Variants in C11orf65 observed in about 807,000 individuals in gnomAD.
C11orf65 encodes the protein chromosome 11 open reading frame 65.
In C11orf65, 38 loss-of-function variants were observed where a neutral mutation model predicts 35.3. That is an observed-to-expected ratio of 1.08 (90% confidence interval 0.83 to 1.41). The LOEUF (loss-of-function observed/expected upper bound fraction) is 1.41, where lower values mean the gene tolerates loss of function less well. Among genes scored for constraint, C11orf65 ranks in the 40% most tolerant of loss-of-function variants. The pLI is 0.00. For missense variants in C11orf65, 370 were observed against 367.1 expected, an observed-to-expected ratio of 1.01 and a Z score of -0.06; for synonymous variants, 105 against 114.4, an observed-to-expected ratio of 0.92 and a Z score of 0.53.
At chr11:108,406,480 A>G (rs575386467) in intron 5 of C11orf65, among the ~76,000 whole-genome samples, 20 of 152,268 alleles carry the variant, frequency 1.3e-4, no homozygotes, top group Admixed American at 2.0e-4. Context: ...AAATTCTACA[A>G]TCCGTATACT....
intron 2 of C11orf65, among the ~76,000 whole-genome samples, chr11:108,371,620 T>C (rs1205451730): frequency 6.6e-6 from 1 of 152,212 alleles, no homozygotes; most frequent in Non-Finnish European, 1.5e-5. Flanking sequence ...ATACTGTATA[T>C]ATTTTATTTA....
intron 2 of C11orf65, among the ~76,000 whole-genome samples, chr11:108,437,730 AAAAAAAAAG>A (rs1295528982): frequency 1.7e-4 from 24 of 145,146 alleles, no homozygotes; most frequent in African/African-American, 4.9e-4. Context: ...AAAAAAAAAA[AAAAAAAAAG>A]GATAAGGAAA....
upstream of C11orf65, among the ~76,000 whole-genome samples, chr11:108,467,983 G>T (rs980607634): frequency 1.3e-5 from 2 of 151,666 alleles, no homozygotes; most frequent in African/African-American, 4.8e-5. Context: ...GCACCACCAC[G>T]CCAGGCTCAT....
chr11:108,329,802 T>C (rs1156421203), downstream of C11orf65, among the ~76,000 whole-genome samples: 1 of 152,250 alleles, frequency 6.6e-6, no homozygotes, highest in Non-Finnish European at 1.5e-5. Context: ...TCTAAGTTCA[T>C]TGTGGAGAAT....
chr11:108,446,413 A>G (rs2093259064), intron 2 of C11orf65, among the ~76,000 whole-genome samples: 2 of 151,736 alleles, frequency 1.3e-5, no homozygotes, highest in African/African-American at 4.9e-5. Flanking sequence ...AGGGAAGCCC[A>G]TCAGACTAAC....
chr11:108,359,477 A>G (rs1254803461), intron 2 of C11orf65, among the ~76,000 whole-genome samples: 1 of 152,024 alleles, frequency 6.6e-6, no homozygotes, highest in African/African-American at 2.4e-5. Flanking sequence ...CTCCACCCCA[A>G]ATCAACAGAA....
At chr11:108,372,019 C>T (rs1260561481) in intron 2 of C11orf65, among the ~76,000 whole-genome samples, 1 of 152,136 alleles carries the variant, frequency 6.6e-6, no homozygotes, top group Non-Finnish European at 1.5e-5. Flanking sequence ...AAAAAATGTC[C>T]TTCAATTGAC....
chr11:108,364,280 CTTA>C (rs1381491524), intron 2 of C11orf65, among the ~76,000 whole-genome samples: 2 of 152,172 alleles, frequency 1.3e-5, no homozygotes, highest in African/African-American at 4.8e-5. Context: ...ATTGTCTCCA[CTTA>C]TTACTAAGAT....
At chr11:108,364,789 G>A (rs1443513458) in intron 2 of C11orf65, among the ~76,000 whole-genome samples, 3 of 152,112 alleles carry the variant, frequency 2.0e-5, no homozygotes, top group Non-Finnish European at 4.4e-5. Flanking sequence ...AGAGAGAGAA[G>A]GAAAGAAAGT....
intron 2 of C11orf65, among the ~76,000 whole-genome samples, chr11:108,369,260 G>A (rs892109315): frequency 2.0e-5 from 3 of 152,164 alleles, no homozygotes; most frequent in Non-Finnish European, 2.9e-5. Flanking sequence ...AGTGTGAACC[G>A]GGGAGCCTAT....
chr11:108,330,215 T>C (rs1565529213), downstream of C11orf65: 1 of 1,613,806 alleles, frequency 6.2e-7, no homozygotes, highest in Non-Finnish European at 8.5e-7. Context: ...CTATGCAAGA[T>C]ACACAGTAAA....
intron 3 of C11orf65, among the ~76,000 whole-genome samples, chr11:108,413,801 C>A (rs936682035): frequency 6.6e-6 from 1 of 152,032 alleles, no homozygotes; most frequent in African/African-American, 2.4e-5. Context: ...AATTAAATAA[C>A]ACACTTCTAA....
chr11:108,448,371 T>C (rs1336826963), intron 2 of C11orf65, among the ~76,000 whole-genome samples: 2 of 152,192 alleles, frequency 1.3e-5, no homozygotes, highest in Non-Finnish European at 2.9e-5. Flanking sequence ...TGAACATTGA[T>C]GCAAAAATCC....
chr11:108,361,727 G>A (rs1331354876), intron 2 of C11orf65, among the ~76,000 whole-genome samples: 2 of 151,588 alleles, frequency 1.3e-5, no homozygotes, highest in African/African-American at 2.4e-5. Context: ...AATGGTGCTG[G>A]GAAAACTGGC....
intron 6 of C11orf65, among the ~76,000 whole-genome samples, chr11:108,316,272 G>A (rs749530178): frequency 2.0e-5 from 3 of 152,136 alleles, no homozygotes; most frequent in Non-Finnish European, 4.4e-5. Flanking sequence ...GGATACTCCT[G>A]AAGCAGAGGG....
chr11:108,442,711 T>C (rs1446182449), intron 2 of C11orf65, among the ~76,000 whole-genome samples: 2 of 152,194 alleles, frequency 1.3e-5, no homozygotes, highest in Non-Finnish European at 2.9e-5. Flanking sequence ...CAGAATTTCA[T>C]ATCCAGCCAA....
rs1591249178 is a variant in C11orf65 at position 108,343,345 on chromosome 11, G to T, written c.227-8053C>A. The stretch of plus-strand genomic sequence containing the variant: ...AAGATACAGGCCAAATGATTTCAGT[G>T]CCTTTCAGTGCCAAAAGAAAATGAT... On this transcript the variant is annotated intron_variant, in intron 2 of 3. Coordinates refer to the C11orf65 transcript ENST00000524755. 6.2e-7 allele frequency: 1 copy of T among 1,613,916 alleles called. No homozygotes were observed. Among genetic ancestry groups the T allele is most frequent in the Non-Finnish European group, 8.5e-7 (1 of 1,179,866 alleles).
chr11:108,310,449 G>A (rs2084054677), intron 6 of C11orf65: 20 of 819,428 alleles, frequency 2.4e-5, no homozygotes, highest in African/African-American at 2.4e-4. Flanking sequence ...GTTTTAAAGT[G>A]AAATTATAAT....
chr11:108,316,150 G>T (rs755970192), intron 6 of C11orf65: 15 of 1,552,062 alleles, frequency 9.7e-6, no homozygotes, highest in African/African-American at 1.4e-5. Context: ...GCCATCACTA[G>T]TGTAGTGCTG....
Sources: gnomAD v4.1 joint callset for allele counts (sites outside exome capture counted in the v4.1 genomes callset) on GRCh38, gnomAD v4.1.1 for gene constraint, MANE v1.5 for transcripts, NCBI Gene and HGNC (gene_info 2026-07-23, HGNC 2026-07-21) for gene names.